GPC5: variants seen among roughly 807,000 people sequenced by gnomAD.
GPC5 encodes glypican-5.
Under a neutral mutation model 53.9 loss-of-function variants are expected in GPC5, and 47 were observed. The observed-to-expected ratio is 0.87, with a 90% CI of 0.69 to 1.11. The LOEUF is 1.11. Ranked by LOEUF, GPC5 falls within the 50% of genes most tolerant of loss-of-function variation. The pLI is 0.00. For synonymous variants in GPC5, 286 were observed against 263.3 expected, an observed-to-expected ratio of 1.09 and a Z score of -0.84; for missense variants, 748 against 713.1, an observed-to-expected ratio of 1.05 and a Z score of -0.56.
chr13:92,412,320 A>G (rs1162960278), intron 7 of GPC5, among the ~76,000 whole-genome samples: 1 of 152,158 alleles, frequency 6.6e-6, no homozygotes, highest in Admixed American at 6.5e-5. Context: ...AGAATATATC[A>G]GTGAGTAAAA....
At chr13:91,861,603 A>G (rs2039029085) in intron 5 of GPC5, among the ~76,000 whole-genome samples, 2 of 151,752 alleles carry the variant, frequency 1.3e-5, no homozygotes, top group Non-Finnish European at 2.9e-5. Flanking sequence ...CTGTGTCTTT[A>G]TATTGAATAT....
intron 5 of GPC5, among the ~76,000 whole-genome samples, chr13:91,831,207 C>T (rs1279940169): frequency 2.7e-5 from 4 of 150,544 alleles, no homozygotes; most frequent in African/African-American, 7.3e-5. Flanking sequence ...AGAGCCAGTC[C>T]GAGTGAGTCC....
chr13:92,178,620 T>C (rs577964690), intron 7 of GPC5, among the ~76,000 whole-genome samples: 60 of 152,132 alleles, frequency 3.9e-4, no homozygotes, highest in Non-Finnish European at 6.6e-4. Flanking sequence ...TAATATATGC[T>C]ATTTTGCATC....
At chr13:91,577,493 T>C (rs1230237740) in intron 2 of GPC5, among the ~76,000 whole-genome samples, 1 of 152,174 alleles carries the variant, frequency 6.6e-6, no homozygotes, top group Non-Finnish European at 1.5e-5. Context: ...GCATTATTAA[T>C]ATGTTCTTCT....
intron 3 of GPC5, among the ~76,000 whole-genome samples, chr13:91,721,302 T>G (rs2036468290): frequency 6.6e-6 from 1 of 151,968 alleles, no homozygotes; most frequent in African/African-American, 2.4e-5. Flanking sequence ...GCCTGGCTAA[T>G]TTTTGTGTTT....
At chr13:92,656,376 T>TG (rs1409279913) in intron 7 of GPC5, among the ~76,000 whole-genome samples, 1 of 152,070 alleles carries the variant, frequency 6.6e-6, no homozygotes, top group African/African-American at 2.4e-5. Flanking sequence ...GGGATTTAAT[T>TG]GGGGTAGAGA....
At chr13:92,787,316 C>G (rs1258315494) in intron 7 of GPC5, among the ~76,000 whole-genome samples, 2 of 151,616 alleles carry the variant, frequency 1.3e-5, no homozygotes, top group African/African-American at 4.8e-5. Context: ...TTAATAACAC[C>G]TATTATAAAA....
At chr13:92,042,066 A>G (rs2040946145) in intron 6 of GPC5, among the ~76,000 whole-genome samples, 1 of 152,194 alleles carries the variant, frequency 6.6e-6, no homozygotes, top group Admixed American at 6.5e-5. Flanking sequence ...ACAGGTGCAC[A>G]AGAACACAGC....
chr13:92,695,870 G>A (rs1237522689), intron 7 of GPC5, among the ~76,000 whole-genome samples: 1 of 151,896 alleles, frequency 6.6e-6, no homozygotes, highest in Non-Finnish European at 1.5e-5. Flanking sequence ...TCCCATGACA[G>A]GCCCCGGTGT....
chr13:92,763,246 TAG>T lies in GPC5; in HGVS notation c.1562-103033_1562-103032del, dbSNP rs536593409. Reference sequence around the variant, plus strand: ...GAACAATCATCTCTTCCAAACTTTATAGAGTGTCCTTCACATGAATGATTTTT... The same window carrying T: ...GAACAATCATCTCTTCCAAACTTTATAGTGTCCTTCACATGAATGATTTTT... On this transcript the variant is annotated intron_variant, in intron 7 of 7. Transcript: ENST00000377067. Among the ~76,000 whole-genome samples the T allele has an allele frequency of 2.0e-3, 309 of 152,306 alleles. 2 individuals carry two copies. Among genetic ancestry groups the T allele is most frequent in the African/African-American group, 7.1e-3 (297 of 41,558 alleles).
intron 7 of GPC5, among the ~76,000 whole-genome samples, chr13:92,583,363 A>G (rs1883431063): frequency 1.3e-5 from 2 of 152,240 alleles, no homozygotes; most frequent in Non-Finnish European, 2.9e-5. Flanking sequence ...TTATCTTGCT[A>G]TTTAAACTGG....
chr13:92,863,211 A>AG (rs1879235969), intron 7 of GPC5, among the ~76,000 whole-genome samples: 1 of 152,130 alleles, frequency 6.6e-6, no homozygotes, highest in African/African-American at 2.4e-5. Flanking sequence ...GGAATCAGGG[A>AG]GGCAGGTGAT....
At chr13:91,970,407 T>C in intron 6 of GPC5, among the ~76,000 whole-genome samples, 1 of 152,042 alleles carries the variant, frequency 6.6e-6, no homozygotes. Flanking sequence ...TATTGTATGC[T>C]TTAAATTTGC....
chr13:92,227,800 A>C (rs2042499265), intron 7 of GPC5, among the ~76,000 whole-genome samples: 2 of 152,102 alleles, frequency 1.3e-5, no homozygotes, highest in African/African-American at 4.8e-5. Context: ...TATGAGGGGC[A>C]TGTGATGTTT....
At chr13:92,271,418 C>A (rs2042838937) in intron 7 of GPC5, among the ~76,000 whole-genome samples, 1 of 152,112 alleles carries the variant, frequency 6.6e-6, no homozygotes, top group South Asian at 2.1e-4. Context: ...TTGTTAATGC[C>A]CTTGGGACAT....
At chr13:92,529,389 A>G (rs1881473238) in intron 7 of GPC5, among the ~76,000 whole-genome samples, 1 of 152,224 alleles carries the variant, frequency 6.6e-6, no homozygotes, top group African/African-American at 2.4e-5. Flanking sequence ...ATACCAAGAT[A>G]CACAAAAAGA....
intron 7 of GPC5, among the ~76,000 whole-genome samples, chr13:92,806,487 G>A (rs1305136558): frequency 1.3e-5 from 2 of 152,178 alleles, no homozygotes; most frequent in African/African-American, 4.8e-5. Context: ...ACTGGTGCAG[G>A]CAGCCTAGAT....
intron 6 of GPC5, among the ~76,000 whole-genome samples, chr13:92,136,382 GAT>G (rs200646100): frequency 2.0e-5 from 3 of 148,636 alleles, no homozygotes; most frequent in African/African-American, 7.5e-5. Context: ...TTCTATACAT[GAT>G]ATATTATTTA....
At chr13:91,882,670 G>GTTTTTTTTTTTTTTTTTTTTTGTTTT in intron 5 of GPC5, among the ~76,000 whole-genome samples, 2 of 59,332 alleles carry the variant, frequency 3.4e-5, no homozygotes, top group African/African-American at 1.4e-4. Context: ...TGTTTTTTGG[G>GTTTTTTTTTTTTTTTTTTTTTGTTTT]TTTTTTTTTT....
Sources: allele counts gnomAD v4.1 joint callset (sites outside exome capture counted in the v4.1 genomes callset), GRCh38; gene constraint gnomAD v4.1.1; transcripts MANE v1.5; gene names NCBI Gene and HGNC (gene_info 2026-07-23, HGNC 2026-07-21).